Variants in CDK17 observed in about 807,000 individuals in gnomAD.
CDK17 encodes the protein cyclin dependent kinase 17.
In CDK17, 24 loss-of-function variants were observed where a neutral mutation model predicts 77.6. The observed-to-expected ratio is 0.31, with a 90% CI of 0.22 to 0.44. The LOEUF (loss-of-function observed/expected upper bound fraction) is 0.44. CDK17 is among the 20% of genes least tolerant of loss of function. The pLI, the probability that CDK17 is intolerant of heterozygous loss-of-function variation, is 1.00. For missense variants in CDK17, 429 were observed against 622.5 expected, an observed-to-expected ratio of 0.69 and a Z score of 3.31; for synonymous variants, 203 against 210.4, an observed-to-expected ratio of 0.96 and a Z score of 0.30.
chr12:96,355,770 T>C (rs1332416294), intron 1 of CDK17, among the ~76,000 whole-genome samples: 1 of 152,228 alleles, frequency 6.6e-6, no homozygotes, highest in African/African-American at 2.4e-5. Flanking sequence ...GGAATTAATA[T>C]ATTTTGCTCA....
rs767316948 is a variant in CDK17 at position 96,295,071 on chromosome 12, C to T, written c.925G>A (p.Val309Ile). The change falls in exon 10 of 17, where the codon GTA becomes ATA. Residue 309 changes from valine to isoleucine, a missense_variant. Around this residue, in one of 4 missense-constraint regions of CDK17, gnomAD observed 262 missense variants for 385.4 expected, o/e 0.68. Coordinates refer to ENST00000261211, the MANE Select transcript of CDK17 (RefSeq NM_002595.5). ...TGTGGTTTCAAGTCTCGATGCAATA[C>T]CTTTCTTCTATGGCAATATGCCAAA... ...RGLAYCHRRKVLHRDLKPQNL... is the reference protein window; with the variant it reads ...RGLAYCHRRKILHRDLKPQNL... 5.6e-6 allele frequency: 9 copies of T among 1,611,744 alleles called. No homozygotes were observed. Among genetic ancestry groups the T allele is most frequent in the Non-Finnish European group, 5.1e-6 (6 of 1,178,246 alleles).
At chr12:96,370,261 G>C (rs749024779) in intron 1 of CDK17, among the ~76,000 whole-genome samples, 6 of 152,138 alleles carry the variant, frequency 3.9e-5, no homozygotes, top group Non-Finnish European at 8.8e-5. Context: ...GGTTCACACC[G>C]AAGTCTTATG....
At chr12:96,351,716 A>G (rs1267241437) in intron 1 of CDK17, among the ~76,000 whole-genome samples, 4 of 152,220 alleles carry the variant, frequency 2.6e-5, no homozygotes, top group Non-Finnish European at 5.9e-5. Context: ...CTGTCGTGTT[A>G]GCAGGCATTT....
At chr12:96,316,044 C>G (rs1364057699) in intron 3 of CDK17, among the ~76,000 whole-genome samples, 1 of 152,170 alleles carries the variant, frequency 6.6e-6, no homozygotes, top group Non-Finnish European at 1.5e-5. Context: ...ATCTGAGGTA[C>G]CGGGTTCATC....
At chr12:96,356,279 G>A (rs1260540987) in intron 1 of CDK17, among the ~76,000 whole-genome samples, 4 of 152,118 alleles carry the variant, frequency 2.6e-5, no homozygotes, top group Admixed American at 2.6e-4. Context: ...AACTGTTTGA[G>A]CCATGTGACA....
At chr12:96,311,287 T>C (rs1293135304) in intron 4 of CDK17, 110 bp from the exon 5 acceptor site, 5 of 923,280 alleles carry the variant, frequency 5.4e-6, no homozygotes, top group Non-Finnish European at 7.6e-6. Context: ...TAAAGTTTTA[T>C]TGCAGTTGCA....
chr12:96,312,267 G>A (rs373000664), intron 4 of CDK17, among the ~76,000 whole-genome samples: 2 of 151,974 alleles, frequency 1.3e-5, no homozygotes, highest in South Asian at 4.2e-4. Flanking sequence ...ACAGAGTGAG[G>A]CCCTGTCTCA....
chr12:96,369,839 G>C (rs890416513), intron 1 of CDK17, among the ~76,000 whole-genome samples: 3 of 152,188 alleles, frequency 2.0e-5, no homozygotes, highest in African/African-American at 7.2e-5. Context: ...CCAGCACTTT[G>C]AGAGGCTGAG....
At chr12:96,336,238 G>C (rs924930822) in intron 1 of CDK17, among the ~76,000 whole-genome samples, 2 of 152,172 alleles carry the variant, frequency 1.3e-5, no homozygotes, top group African/African-American at 4.8e-5. Flanking sequence ...AAGGCAGGAG[G>C]ATCTCTTGGG....
intron 5 of CDK17, among the ~76,000 whole-genome samples, chr12:96,309,647 G>C (rs1208921997): frequency 6.6e-6 from 1 of 151,840 alleles, no homozygotes; most frequent in African/African-American, 2.4e-5. Flanking sequence ...AAACCCAATA[G>C]AAAAAAGAAG....
chr12:96,377,685 T>C (rs1953804177), intron 1 of CDK17, among the ~76,000 whole-genome samples: 1 of 147,410 alleles, frequency 6.8e-6, no homozygotes, highest in African/African-American at 2.5e-5. Flanking sequence ...AGAAGCAGTT[T>C]TTTTTTTTCG....
intron 1 of CDK17, among the ~76,000 whole-genome samples, chr12:96,344,807 GTT>G (rs779649852): frequency 1.3e-5 from 2 of 152,054 alleles, no homozygotes; most frequent in Admixed American, 6.6e-5. Flanking sequence ...TGCTTTTCTT[GTT>G]TTTTTAATTA....
intron 1 of CDK17, among the ~76,000 whole-genome samples, chr12:96,384,777 A>G (rs1190962557): frequency 6.6e-6 from 1 of 152,124 alleles, no homozygotes; most frequent in Non-Finnish European, 1.5e-5. Flanking sequence ...AGCACTTGGG[A>G]GGCTGAGGCA....
At chr12:96,312,712 AAC>A (rs2137107029) in intron 4 of CDK17, among the ~76,000 whole-genome samples, 1 of 152,298 alleles carries the variant, frequency 6.6e-6, no homozygotes, top group African/African-American at 2.4e-5. Flanking sequence ...GTACTGAAAT[AAC>A]AGTCACGATC....
intron 1 of CDK17, among the ~76,000 whole-genome samples, chr12:96,367,831 C>G (rs1436849083): frequency 6.8e-6 from 1 of 146,526 alleles, no homozygotes; most frequent in Non-Finnish European, 1.5e-5. Flanking sequence ...GCCTGGACAA[C>G]ACAGCAAGTC....
chr12:96,357,563 A>G (rs1953417317), intron 1 of CDK17, among the ~76,000 whole-genome samples: 2 of 152,222 alleles, frequency 1.3e-5, no homozygotes, highest in African/African-American at 4.8e-5. Context: ...TGCGTCTCTC[A>G]AAGTACAACT....
chr12:96,318,410 G>T (rs1477534855), intron 3 of CDK17, among the ~76,000 whole-genome samples: 1 of 120,370 alleles, frequency 8.3e-6, no homozygotes, highest in African/African-American at 3.1e-5. Context: ...AGTCAACAAG[G>T]ATACCCAGGA....
chr12:96,280,333 TAC>T (rs2084026441), intron 16 of CDK17, 54 bp from the exon 17 acceptor site: 2 of 1,542,836 alleles, frequency 1.3e-6, no homozygotes, highest in Admixed American at 2.0e-5. Flanking sequence ...TTATCCCACA[TAC>T]AGTTATTTGG....
chr12:96,311,013 T>A, intron 5 of CDK17, 39 bp downstream of exon 5: 1 of 1,564,034 alleles, frequency 6.4e-7, no homozygotes, highest in African/African-American at 1.4e-5. Flanking sequence ...AACAAGCAGA[T>A]CTGATTGATG....
Sources: allele counts gnomAD v4.1 joint callset (sites outside exome capture counted in the v4.1 genomes callset), GRCh38; gene constraint gnomAD v4.1.1; regional missense constraint gnomAD v4.1.1; transcripts MANE v1.5; gene names NCBI Gene and HGNC (gene_info 2026-07-23, HGNC 2026-07-21).